Variants in APBA1 observed in about 807,000 individuals in gnomAD.
APBA1 encodes amyloid beta precursor protein binding family A member 1.
Under a neutral mutation model 86.6 loss-of-function variants are expected in APBA1, and 55 were observed. The ratio of observed to expected loss-of-function variants is 0.64; its 90% CI spans 0.51 to 0.80. APBA1 has a LOEUF of 0.80. APBA1 is among the 30% of genes least tolerant of loss of function. The probability of loss-of-function intolerance (pLI) is 0.00; values close to 1 mark genes in which losing one functional copy is unlikely to be tolerated. For missense variants in APBA1, 1,090 were observed against 1,183.0 expected, an observed-to-expected ratio of 0.92 and a Z score of 1.15; for synonymous variants, 511 against 493.9, an observed-to-expected ratio of 1.03 and a Z score of -0.46.
intron 1 of APBA1, among the ~76,000 whole-genome samples, chr9:69,606,128 T>G (rs539784892): frequency 1.3e-5 from 2 of 152,246 alleles, no homozygotes; most frequent in East Asian, 3.8e-4. Context: ...AGCACTAGTA[T>G]GCAAGCAAAT....
intron 1 of APBA1, among the ~76,000 whole-genome samples, chr9:69,595,269 T>C (rs1822205657): frequency 6.6e-6 from 1 of 152,192 alleles, no homozygotes; most frequent in Non-Finnish European, 1.5e-5. Context: ...ATATTTAATA[T>C]TTTCAATCTC....
In APBA1 at chr9:69,516,015, C is replaced by G; in HGVS notation, c.1196G>C (p.Gly399Ala). Residue 399 changes from glycine to alanine, a missense_variant, in exon 2 of 13, where the codon GGA (glycine) becomes GCA (alanine). Physicochemically the swap from Gly to Ala is moderately conservative, Grantham distance 60. This residue lies in a region of APBA1 where 678 missense variants were observed against 647.1 expected (regional missense o/e 1.05). Transcript: ENST00000265381. The surrounding 1 kb of genome is among the most constrained non-coding windows in gnomAD (Gnocchi z 7.3). ...CCCAAACCCGCACCTACTTACATCTCCGTCCATCGGCCTCTGGTCGTCACA... is the reference window on the plus strand; with the variant it reads ...CCCAAACCCGCACCTACTTACATCTGCGTCCATCGGCCTCTGGTCGTCACA... ...RDCDDQRPMD[G>A]DSPSPGSSSP... 1 of 1,568,304 alleles carries G rather than the reference C, an allele frequency of 6.4e-7. No homozygotes were observed. The highest frequency in any genetic ancestry group is 1.4e-5 in the African/African-American group (1 of 72,700).
Position 69,651,567 on chromosome 9 carries a change from C to A in APBA1, c.-70+20586G>T, listed in dbSNP as rs1057232949. Among the ~76,000 whole-genome samples the A allele has an allele frequency of 2.0e-5, 3 of 152,114 alleles. No homozygotes were observed. In the East Asian group the frequency reaches 5.8e-4, roughly 29 times the overall value. On this transcript the variant is annotated intron_variant, in intron 1 of 12. Coordinates refer to ENST00000265381, the MANE Select transcript of APBA1 (RefSeq NM_001163.4). ...CTAGGCTCACTGCAACCTCCGCCTC[C>A]TGGGTTCAAGCGATTCTCCTGCCTT...
intron 1 of APBA1, among the ~76,000 whole-genome samples, chr9:69,579,573 A>G (rs1274905927): frequency 6.6e-6 from 1 of 152,178 alleles, no homozygotes; most frequent in East Asian, 1.9e-4. Context: ...GGTTATAAGA[A>G]ATTATGTAAT....
intron 1 of APBA1, among the ~76,000 whole-genome samples, chr9:69,638,923 C>A (rs914157907): frequency 6.6e-6 from 1 of 151,786 alleles, no homozygotes; most frequent in Non-Finnish European, 1.5e-5. Context: ...AATATAAATC[C>A]ATGAAGTCAC....
intron 10 of APBA1, among the ~76,000 whole-genome samples, chr9:69,441,971 C>T (rs146705841): frequency 1.3e-5 from 2 of 152,332 alleles, no homozygotes; most frequent in African/African-American, 4.8e-5. Context: ...ACAGCAGTGA[C>T]AGAAGCCCTG....
At chr9:69,565,239 C>A (rs1161949791) in intron 1 of APBA1, among the ~76,000 whole-genome samples, 1 of 152,034 alleles carries the variant, frequency 6.6e-6, no homozygotes, top group Non-Finnish European at 1.5e-5. Flanking sequence ...TTTCCAAGGA[C>A]CCTCCTGTTA....
chr9:69,447,262 TTTAC>T (rs1178352749), intron 10 of APBA1, among the ~76,000 whole-genome samples: 1 of 152,102 alleles, frequency 6.6e-6, no homozygotes, highest in Non-Finnish European at 1.5e-5. Flanking sequence ...TACTCAATAC[TTTAC>T]TTAACCCCCT....
At chr9:69,543,194 G>A (rs1014306294) in intron 1 of APBA1, among the ~76,000 whole-genome samples, 1 of 152,134 alleles carries the variant, frequency 6.6e-6, no homozygotes, top group Non-Finnish European at 1.5e-5. Flanking sequence ...TAATTGGAGG[G>A]AGCCCCTGGC....
intron 5 of APBA1, chr9:69,465,443 CTT>C (rs1483931980): frequency 2.0e-5 from 3 of 152,224 alleles, no homozygotes; most frequent in Non-Finnish European, 4.4e-5. Context: ...TAGGACGTGA[CTT>C]TGCCTGAGAA....
chr9:69,628,365 T>C (rs574631721), intron 1 of APBA1, among the ~76,000 whole-genome samples: 4 of 152,304 alleles, frequency 2.6e-5, no homozygotes, highest in Admixed American at 2.0e-4. Flanking sequence ...TGTATTGTTT[T>C]AAGCTGCTAA....
chr9:69,543,841 C>T lies in APBA1; in HGVS notation c.-69-26562G>A, dbSNP rs547390137. On this transcript the variant is annotated intron_variant, in intron 1 of 12. Transcript: ENST00000265381. Reference sequence around the variant, plus strand: ...ATTTGCTAGCAATGTCTGAAATTTCCCTGCTTAACCTAATGGGTTAATTGG... The same window carrying T: ...ATTTGCTAGCAATGTCTGAAATTTCTCTGCTTAACCTAATGGGTTAATTGG... 3.3e-5 allele frequency among the ~76,000 whole-genome samples: 5 copies of T among 152,242 alleles called. No individual in the cohort carries two copies. In the South Asian group the frequency reaches 1.0e-3, roughly 32 times the overall value.
At chr9:69,500,346 T>G (rs1835862618) in intron 2 of APBA1, among the ~76,000 whole-genome samples, 1 of 152,140 alleles carries the variant, frequency 6.6e-6, no homozygotes, top group Non-Finnish European at 1.5e-5. Context: ...TGTTTCACAT[T>G]TCCATATAGG....
intron 1 of APBA1, among the ~76,000 whole-genome samples, chr9:69,611,893 T>C (rs1024959653): frequency 2.0e-5 from 3 of 152,190 alleles, no homozygotes; most frequent in African/African-American, 7.2e-5. Context: ...TCAAATGCTG[T>C]TTAGTTCACA....
At chr9:69,459,095 C>T (rs1488126685) in intron 5 of APBA1, among the ~76,000 whole-genome samples, 3 of 152,322 alleles carry the variant, frequency 2.0e-5, no homozygotes, top group East Asian at 3.9e-4. Context: ...CGAGCCACCG[C>T]GCCTGGCCTC....
At chr9:69,536,412 G>A (rs966887013) in intron 1 of APBA1, among the ~76,000 whole-genome samples, 3 of 151,922 alleles carry the variant, frequency 2.0e-5, no homozygotes, top group South Asian at 4.2e-4. Context: ...TCCTCCACAC[G>A]CCTGTTCATT....
intron 8 of APBA1, among the ~76,000 whole-genome samples, chr9:69,455,482 A>C (rs1835080668): frequency 6.6e-6 from 1 of 152,098 alleles, no homozygotes; most frequent in Non-Finnish European, 1.5e-5. Context: ...TACAACCCTG[A>C]AAGTAGGCCA....
At chr9:69,581,593 G>C (rs1588376294) in intron 1 of APBA1, among the ~76,000 whole-genome samples, 1 of 152,260 alleles carries the variant, frequency 6.6e-6, no homozygotes, top group African/African-American at 2.4e-5. Context: ...GACTAGCCTA[G>C]AACAGTATCG....
intron 1 of APBA1, 112 bp from the exon 2 acceptor site, chr9:69,517,391 A>C: frequency 8.9e-7 from 1 of 1,123,012 alleles, no homozygotes; most frequent in Non-Finnish European, 1.1e-6. Context: ...GTTCTGGGTC[A>C]ATTAAAAAAA....
Sources: gnomAD v4.1 joint callset for allele counts (sites outside exome capture counted in the v4.1 genomes callset) on GRCh38, gnomAD v4.1.1 for gene constraint, gnomAD v4.1.1 regional missense constraint, Gnocchi (gnomAD v3.1) non-coding constraint, MANE v1.5 for transcripts, NCBI Gene and HGNC (gene_info 2026-07-23, HGNC 2026-07-21) for gene names.